NYX: variants seen among roughly 807,000 people sequenced by gnomAD.
NYX encodes leucine-rich repeat protein.
For missense variants in NYX, 481 were observed against 485.4 expected (o/e 0.99, Z 0.09); for synonymous variants, 258 against 245.7 (o/e 1.05, Z -0.47).
In NYX at chrX:41,474,385, G is replaced by T. The variant is rs759518213; in HGVS notation, c.917G>T (p.Gly306Val). ...LSGLLALHLN[G>V]NRLTVLAWVA... ...GGTCTCCTCGCGCTGCACCTCAACG[G>T]CAACCGCCTCACCGTGCTCGCCTGG... Residue 306 changes from glycine to valine, a missense_variant, in exon 3 of 3, where the codon GGC becomes GTC. Gly to Val is a moderately radical substitution (Grantham distance 109). Transcript: ENST00000378220. The T allele has an allele frequency of 8.3e-7, 1 of 1,207,729 alleles. No homozygotes were observed. Among genetic ancestry groups the T allele is most frequent in the Non-Finnish European group, 1.1e-6 (1 of 895,397 alleles).
intron 2 of NYX, among the ~76,000 whole-genome samples, chrX:41,466,150 C>A (rs1349758986): frequency 3.6e-5 from 4 of 112,037 alleles, no homozygotes; most frequent in Admixed American, 2.8e-4. Context: ...CCTGAGAGAG[C>A]CGGGCCCAGA....
At chrX:41,472,621 C>T in intron 2 of NYX, 1 of 476,479 alleles carries the variant, frequency 2.1e-6, no homozygotes, top group East Asian at 3.4e-5. Context: ...GCAGCCGGAG[C>T]ACAGGCACAG....
At chrX:41,458,716 C>T (rs928098696) in intron 2 of NYX, among the ~76,000 whole-genome samples, 1 of 106,998 alleles carries the variant, frequency 9.3e-6, no homozygotes, top group Non-Finnish European at 1.9e-5. Flanking sequence ...ATCTACCCAC[C>T]TCAGCCTCCC....
chrX:41,456,479 C>T (rs1455582579), intron 2 of NYX, among the ~76,000 whole-genome samples: 1 of 111,901 alleles, frequency 8.9e-6, no homozygotes, highest in Non-Finnish European at 1.9e-5. Context: ...CTCAGGCTTC[C>T]TACTAGAGGC....
At position 41,474,353 on chromosome X, in the gene NYX, C is replaced by A. The variant is rs768551423; in HGVS notation, c.885C>A (p.Asn295Lys). 8.3e-7 allele frequency: 1 copy of A among 1,208,486 alleles called. No homozygotes were observed. The highest frequency in any genetic ancestry group is 1.1e-6 in the Non-Finnish European group (1 of 895,452). The change falls in exon 3 of 3, where the codon AAC (asparagine) becomes AAA (lysine). Residue 295 changes from asparagine (N) to lysine (K), a missense_variant. Coordinates refer to ENST00000378220, the MANE Select transcript of NYX (RefSeq NM_001378477.3). ...TCGTGGAGGAGGGCGCCTTCCAGAA[C>A]CTCTCGGGTCTCCTCGCGCTGCACC... ...IAFVEEGAFQ[N>K]LSGLLALHLN...
At chrX:41,464,449 T>C (rs1028264460) in intron 2 of NYX, among the ~76,000 whole-genome samples, 1 of 112,004 alleles carries the variant, frequency 8.9e-6, no homozygotes, top group Non-Finnish European at 1.9e-5. Context: ...ACTAATCCCA[T>C]TCTTGATCAT....
chrX:41,469,192 C>T (rs975966870), intron 2 of NYX, among the ~76,000 whole-genome samples: 7 of 111,426 alleles, frequency 6.3e-5, no homozygotes, highest in African/African-American at 2.3e-4. Context: ...AGCAGAGCTA[C>T]AGAGGTGGCA....
chrX:41,466,139 C>A (rs1386719767), intron 2 of NYX, among the ~76,000 whole-genome samples: 1 of 111,998 alleles, frequency 8.9e-6, no homozygotes, highest in Admixed American at 9.5e-5. Flanking sequence ...CTTGAAATTG[C>A]CCTGAGAGAG....
At chrX:41,453,218 G>T (rs1305704264) in intron 2 of NYX, among the ~76,000 whole-genome samples, 1 of 111,678 alleles carries the variant, frequency 9.0e-6, no homozygotes, top group Non-Finnish European at 1.9e-5. Context: ...GCTTAGGAAA[G>T]AGAAACTGCT....
At chrX:41,454,611 G>GATCCTTTTTT (rs1418037965) in intron 2 of NYX, among the ~76,000 whole-genome samples, 1 of 104,681 alleles carries the variant, frequency 9.6e-6, no homozygotes, top group African/African-American at 3.5e-5. Context: ...GCGCCCGGCT[G>GATCCTTTTTT]ATCCTTTTTT....
chrX:41,472,494 G>T, intron 2 of NYX: 1 of 667,250 alleles, frequency 1.5e-6, no homozygotes, highest in Non-Finnish European at 2.4e-6. Flanking sequence ...CGCTGCTTCT[G>T]GGATTCCAAG....
rs59383905 is a variant in NYX, at chrX:41,460,876, A to ATTTTT, written c.23-12589_23-12585dup. On this transcript the variant is annotated intron_variant, in intron 2 of 2. Coordinates refer to ENST00000378220, the MANE Select transcript of NYX (RefSeq NM_001378477.3). ...ATGTAAGCGGAGTCACACAGTATGTATTTTTTTTTTTTTTTTTTTTTTTTT... is the reference window on the plus strand; with the variant it reads ...ATGTAAGCGGAGTCACACAGTATGTATTTTTTTTTTTTTTTTTTTTTTTTTTTTTT... Among the ~76,000 whole-genome samples, 75 of 24,756 alleles carry ATTTTT rather than the reference A, an allele frequency of 3.0e-3. 3 individuals carry two copies. The highest frequency in any genetic ancestry group is 3.4e-3 in the Non-Finnish European group (50 of 14,524). 21.5% of individuals were successfully genotyped at this position (24,756 alleles called of 115,157 possible).
At position 41,474,192 on chromosome X, in the gene NYX, G is replaced by A; in HGVS notation, c.724G>A (p.Ala242Thr). Residue 242 changes from alanine to threonine, a missense_variant, in exon 3 of 3, where the codon GCC (alanine) becomes ACC (threonine). By Grantham distance (58) the Ala-to-Thr change is moderately conservative. Transcript: ENST00000378220. Reference protein sequence around the residue: ...LNDNLLAELPADAFRGLRRLR... With the variant: ...LNDNLLAELPTDAFRGLRRLR... ...CGACAACCTGCTGGCCGAGCTCCCGGCCGACGCCTTCCGCGGCCTGCGGCG... is the reference window on the plus strand; with the variant it reads ...CGACAACCTGCTGGCCGAGCTCCCGACCGACGCCTTCCGCGGCCTGCGGCG... The A allele has an allele frequency of 8.6e-7, 1 of 1,169,109 alleles. No individual in the cohort carries two copies. The highest frequency in any genetic ancestry group is 1.1e-6 in the Non-Finnish European group (1 of 878,990).
chrX:41,472,619 A>G (rs1157216184), intron 2 of NYX: 15 of 478,105 alleles, frequency 3.1e-5, no homozygotes, highest in Non-Finnish European at 5.2e-5. Context: ...GGGCAGCCGG[A>G]GCACAGGCAC....
chrX:41,469,256 G>A (rs2064350904), intron 2 of NYX, among the ~76,000 whole-genome samples: 1 of 111,399 alleles, frequency 9.0e-6, no homozygotes, highest in Non-Finnish European at 1.9e-5. Flanking sequence ...TTCCTGCAGG[G>A]ACTTGGGTAG....
chrX:41,473,293 GT>G (rs779280800), intron 2 of NYX, among the ~76,000 whole-genome samples, 197 bp from the exon 3 acceptor site: 1 of 110,849 alleles, frequency 9.0e-6, no homozygotes, highest in Non-Finnish European at 1.9e-5. Context: ...AAAGGAGCGG[GT>G]GTCTTAGGTG....
chrX:41,474,698 C>G lies in NYX; in HGVS notation c.1230C>G (p.Ser410Arg). The G allele has an allele frequency of 1.7e-6, 2 of 1,199,169 alleles. No homozygotes were observed. The highest frequency in any genetic ancestry group is 2.2e-6 in the Non-Finnish European group (2 of 890,341). The change falls in exon 3 of 3, where the codon AGC (serine) becomes AGG (arginine). Residue 410 changes from serine to arginine, a missense_variant. Transcript: ENST00000378220. Reference sequence around the variant, plus strand: ...CCACCACCGTGAGCAGGTTCAGCAGCCTCCTCTCCAAGCTGCTGGCCCCGA... The same window carrying G: ...CCACCACCGTGAGCAGGTTCAGCAGGCTCCTCTCCAAGCTGCTGGCCCCGA... ...PAATTVSRFS[S>R]LLSKLLAPRV...
In NYX at chrX:41,474,653, C is replaced by T; in HGVS notation, c.1185C>T (p.Gly395=). The T allele has an allele frequency of 8.3e-7, 1 of 1,199,379 alleles. No individual in the cohort carries two copies. The highest frequency in any genetic ancestry group is 1.1e-6 in the Non-Finnish European group (1 of 889,945). Residue 395 remains glycine, a synonymous_variant, in exon 3 of 3, where the codon GGC becomes GGT. Transcript: ENST00000378220. ...EELNLTTSSP[G]PSPEPAATTV... is the part of the protein sequence containing the mutation. ...TGAACCTCACCACGTCCAGTCCAGG[C>T]CCGTCCCCAGAACCAGCGGCCACCA...
intron 2 of NYX, among the ~76,000 whole-genome samples, chrX:41,450,828 ATTTTTT>A (rs745395959): frequency 0.075 from 5,091 of 68,100 alleles, 176 homozygotes; most frequent in Non-Finnish European, 0.083. Flanking sequence ...ATATATATAT[ATTTTTT>A]TTTTTTTTTT....
Sources: allele counts gnomAD v4.1 joint callset (sites outside exome capture counted in the v4.1 genomes callset), GRCh38; gene constraint gnomAD v4.1.1; transcripts MANE v1.5; gene names NCBI Gene and HGNC (gene_info 2026-07-23, HGNC 2026-07-21).